SLC4A9: variants seen among roughly 807,000 people sequenced by gnomAD.
The protein encoded by SLC4A9 is anion exchange protein 4.
SLC4A9 carries 102 observed loss-of-function variants against 103.2 expected under a neutral mutation model. That is an observed-to-expected ratio of 0.99 (90% CI 0.84 to 1.17). The LOEUF is 1.17. Ranked by LOEUF, SLC4A9 falls within the 50% of genes most tolerant of loss-of-function variation. SLC4A9 has a pLI of 0.00. For synonymous variants in SLC4A9, 453 were observed against 483.6 expected (o/e 0.94, Z 0.83); for missense variants, 1,091 against 1,193.7 (o/e 0.91, Z 1.27).
rs200745455 is a variant in SLC4A9, at chr5:140,362,504, G to A, written c.779G>A (p.Arg260Gln). 1.1e-4 allele frequency: 180 copies of A among 1,613,972 alleles called. No homozygotes were observed. Among genetic ancestry groups the A allele is most frequent in the African/African-American group, 7.6e-4 (57 of 75,042 alleles). Residue 260 changes from arginine to glutamine, a missense_variant, in exon 6 of 22, where the codon CGG becomes CAG. Physicochemically the swap from Arg to Gln is conservative, Grantham distance 43. Coordinates refer to ENST00000506757, the MANE Select transcript of SLC4A9 (RefSeq NM_031467.3). ...MLGKGYHEMG[R>Q]AAAVLLSDPQ... The stretch of plus-strand genomic sequence containing the variant: ...GGAAAGGGCTACCATGAGATGGGAC[G>A]GGCAGCAGCTGTCCTCCTCAGTGAC...
At chr5:140,365,490 C>G in intron 11 of SLC4A9, 30 bp from the exon 12 acceptor site, 1 of 1,593,980 alleles carries the variant, frequency 6.3e-7, no homozygotes, top group Non-Finnish European at 8.6e-7. Context: ...GGGGAGGGAA[C>G]ATACATCTGA....
chr5:140,361,717 C>A, intron 3 of SLC4A9, 91 bp from the exon 4 acceptor site: 2 of 1,406,946 alleles, frequency 1.4e-6, no homozygotes, highest in East Asian at 2.3e-5. Context: ...CTAATTCTTA[C>A]AGCTTGTCAG....
Position 140,365,854 on chromosome 5 carries a change from A to G in SLC4A9, c.1731A>G (p.Ala577=), listed in dbSNP as rs767523414. 4 of 1,613,830 alleles carry G rather than the reference A, an allele frequency of 2.5e-6. No individual in the cohort carries two copies. Among genetic ancestry groups the G allele is most frequent in the Non-Finnish European group, 3.4e-6 (4 of 1,179,836 alleles). The change falls in exon 13 of 22, where the codon GCA becomes GCG. Residue 577 remains alanine, a synonymous_variant. Transcript: ENST00000506757. ...IVSMDLGLIN[A]SLLPPPECTR... ...TACAGGACTTAGGCCTGATCAATGC[A>G]TCCTTGCTGCCGCCACCTGAGTGCA... is the stretch of plus-strand genomic sequence containing the variant.
intron 14 of SLC4A9, among the ~76,000 whole-genome samples, chr5:140,367,195 A>G (rs557186400): frequency 6.6e-6 from 1 of 152,318 alleles, no homozygotes; most frequent in East Asian, 1.9e-4. Flanking sequence ...ACCCTGAACC[A>G]AAGTCCAGAG....
chr5:140,362,168 C>A lies in SLC4A9; in HGVS notation c.713C>A (p.Pro238Gln). ...VLGSLTEVSL[P>Q]SRFFCLLLGP... is the part of the protein sequence containing the mutation. ...GGGTCCCTTACTGAGGTGTCCCTCCCAAGCAGGTGAGGCTACTGAGTGAGT... is the reference window on the plus strand; with the variant it reads ...GGGTCCCTTACTGAGGTGTCCCTCCAAAGCAGGTGAGGCTACTGAGTGAGT... Residue 238 changes from proline to glutamine, a missense_variant, in exon 5 of 22, where the codon CCA becomes CAA. Physicochemically the swap from Pro to Gln is moderately conservative, Grantham distance 76 (BLOSUM62 -1). Coordinates refer to ENST00000506757, the MANE Select transcript of SLC4A9 (RefSeq NM_031467.3). 1 of 1,534,956 alleles carries A rather than the reference C, an allele frequency of 6.5e-7. No homozygotes were observed. The highest frequency in any genetic ancestry group is 8.7e-7 in the Non-Finnish European group (1 of 1,148,102).
Position 140,375,081 on chromosome 5 carries a change from C to A in SLC4A9, c.*300C>A, listed in dbSNP as rs535512443. On this transcript the variant is annotated 3_prime_UTR_variant, in exon 22 of 22. Transcript: ENST00000506757. ...AGAATCTAAGGGCCATCAGGGAACT[C>A]TTTTCATCTTGCAAAGAGAAAAAGC... The A allele has an allele frequency of 6.6e-6, 1 of 152,228 alleles. No individual in the cohort carries two copies. Among genetic ancestry groups the A allele is most frequent in the South Asian group, 2.1e-4 (1 of 4,814 alleles). 9.4% of individuals were successfully genotyped at this position (152,228 alleles called of 1,614,324 possible). A position where few individuals can be genotyped will look rare whatever the true frequency, so the allele number is the denominator to read the frequency against.
intron 6 of SLC4A9, 133 bp downstream of exon 6, chr5:140,362,665 G>A: frequency 9.7e-7 from 1 of 1,027,836 alleles, no homozygotes; most frequent in Non-Finnish European, 1.5e-6. Flanking sequence ...ATACAGCAAT[G>A]AGGCACAGTG....
rs1487678023 is a variant in SLC4A9 at position 140,371,530 on chromosome 5, C to G, written c.2576C>G (p.Thr859Ser). The G allele has an allele frequency of 1.2e-6, 2 of 1,614,054 alleles. No individual in the cohort carries two copies. Among genetic ancestry groups the G allele is most frequent in the South Asian group, 1.1e-5 (1 of 91,088 alleles). The change falls in exon 19 of 22, where the codon ACC becomes AGC. Residue 859 changes from threonine to serine, a missense_variant. By Grantham distance (58) the Thr-to-Ser change is moderately conservative. Transcript: ENST00000506757. ...CTACTCTTGCGGCATGTGCCTCTGA[C>G]CAGGGTCCACCTCTTCACAGCCATC... ...DLLLLRHVPLTRVHLFTAIQL... is the reference protein window; with the variant it reads ...DLLLLRHVPLSRVHLFTAIQL...
In SLC4A9 at chr5:140,363,242, C is replaced by G. The variant is rs1767368325; in HGVS notation, c.962+176C>G. Among the ~76,000 whole-genome samples, 1 of 152,182 alleles carries G rather than the reference C, an allele frequency of 6.6e-6. No homozygotes were observed. The highest frequency in any genetic ancestry group is 1.5e-5 in the Non-Finnish European group (1 of 68,034). On this transcript the variant is annotated intron_variant, in intron 7 of 21. Transcript: ENST00000506757. The surrounding 1 kb of genome is among the most constrained non-coding windows in gnomAD (Gnocchi z 4.5). ...CTACTCTCTCGCTAAGAGACCTGAA[C>G]AAAGACCTTCCCTGCCCGAGCCTGG... is the stretch of plus-strand genomic sequence containing the variant.
rs1767607743 is a variant in SLC4A9, at chr5:140,364,552, G to A, written c.1578G>A (p.Leu526=). The A allele has an allele frequency of 6.2e-7, 1 of 1,606,144 alleles. No homozygotes were observed. The highest frequency in any genetic ancestry group is 1.3e-5 in the African/African-American group (1 of 74,738). Reference sequence around the variant, plus strand: ...ATGCTGTGGGCAAAATGCTGAACTTGACCCATACCTATCCTATCCAGAAGC... The same window carrying A: ...ATGCTGTGGGCAAAATGCTGAACTTAACCCATACCTATCCTATCCAGAAGC... ...IYDAVGKMLN[L]THTYPIQKPG... is the part of the protein sequence containing the mutation. The change falls in exon 11 of 22, where the codon TTG becomes TTA. Residue 526 remains leucine, a synonymous_variant. Coordinates refer to ENST00000506757, the MANE Select transcript of SLC4A9 (RefSeq NM_031467.3).
chr5:140,360,686 G>A (rs1229479592), intron 1 of SLC4A9, 126 bp from the exon 2 acceptor site: 1 of 1,457,404 alleles, frequency 6.9e-7, no homozygotes, highest in Non-Finnish European at 9.3e-7. Context: ...CAGGGTGGGG[G>A]GGAGACTTCA....
intron 18 of SLC4A9, 102 bp downstream of exon 18, chr5:140,371,265 G>A (rs1443249346): frequency 1.4e-6 from 2 of 1,429,630 alleles, no homozygotes; most frequent in Non-Finnish European, 1.9e-6. Flanking sequence ...TTTCTTTTCT[G>A]CTGGCATCTC....
At chr5:140,370,952 G>T (rs942996102) in intron 17 of SLC4A9, 143 bp from the exon 18 acceptor site, 5 of 625,320 alleles carry the variant, frequency 8.0e-6, no homozygotes, top group African/African-American at 1.8e-5. Flanking sequence ...AATAAGATCG[G>T]CATGAAACAT....
chr5:140,362,668 G>T (rs1468192103), intron 6 of SLC4A9, 136 bp downstream of exon 6: 1 of 1,011,296 alleles, frequency 9.9e-7, no homozygotes, highest in Non-Finnish European at 1.5e-6. Context: ...CAGCAATGAG[G>T]CACAGTGAGC....
intron 17 of SLC4A9, 26 bp downstream of exon 17, chr5:140,368,685 C>G: frequency 2.5e-6 from 4 of 1,600,286 alleles, no homozygotes; most frequent in Non-Finnish European, 3.4e-6. Flanking sequence ...AAGCCAGGAT[C>G]AGGGTCAGTG....
rs1015761444 is a variant in SLC4A9 at position 140,363,307 on chromosome 5, C to T, written c.963-132C>T. On this transcript the variant is annotated intron_variant, in intron 7 of 21. Transcript: ENST00000506757. The surrounding 1 kb of genome is among the most constrained non-coding windows in gnomAD (Gnocchi z 4.5). ...AATATGACCTGGACCTTCTAGAGGC[C>T]CAGGTGTCGCCATGGTTCCCTCGCC... 4.2e-6 allele frequency: 4 copies of T among 949,164 alleles called. No homozygotes were observed. In the African/African-American group the frequency reaches 5.0e-5, roughly 12 times the overall value. 58.8% of individuals were successfully genotyped at this position (949,164 alleles called of 1,614,324 possible). A position where few individuals can be genotyped will look rare whatever the true frequency, so the allele number is the denominator to read the frequency against.
In SLC4A9 at chr5:140,364,119, GC is replaced by G; in HGVS notation, c.1324del (p.Leu442SerfsTer4). On this transcript the variant is annotated frameshift_variant, in exon 10 of 22. Transcript: ENST00000506757. LOFTEE classifies it high-confidence loss of function. ...GAAFCLMAGQPLTILSSTGPV... is the reference protein window; with the variant it reads ...GAAFCLMAGQXLTILSSTGPV... The stretch of plus-strand genomic sequence containing the variant: ...CTGCCTTCTGCCTGATGGCAGGCCA[GC>G]CCCTCACCATTCTGAGCAGCACGGG... 1 of 1,593,264 alleles carries G rather than the reference GC, an allele frequency of 6.3e-7. No individual in the cohort carries two copies. The highest frequency in any genetic ancestry group is 8.6e-7 in the Non-Finnish European group (1 of 1,169,588).
In SLC4A9 at chr5:140,360,482, G is replaced by T. The variant is rs1215773509; in HGVS notation, c.230+16G>T. 9.6e-6 allele frequency: 15 copies of T among 1,555,776 alleles called. No individual in the cohort carries two copies. Among genetic ancestry groups the T allele is most frequent in the Non-Finnish European group, 1.3e-5 (15 of 1,148,614 alleles). On this transcript the variant is annotated intron_variant, in intron 1 of 21. Transcript: ENST00000506757. ...AGACAGGCAGGTAAGTTGGATGCAG[G>T]CCAGTTCTGTGGGATCCTTCCCCTT...
chr5:140,372,256 G>A lies in SLC4A9; in HGVS notation c.2685G>A (p.Val895=), dbSNP rs920382035. 4.5e-6 allele frequency: 7 copies of A among 1,566,954 alleles called. No individual in the cohort carries two copies. In the Middle Eastern group the frequency reaches 5.1e-4, roughly 114 times the overall value. Residue 895 remains valine, a synonymous_variant, in exon 20 of 22, where the codon GTG becomes GTA. Transcript: ENST00000506757. The part of the protein sequence containing the change: ...IIFPLMLLGL[V]GVRKALERVF... Reference sequence around the variant, plus strand: ...TATTCCTGCAGTTGCTGGGCCTTGTGGGGGTCCGAAAGGCCCTGGAGAGGG... The same window carrying A: ...TATTCCTGCAGTTGCTGGGCCTTGTAGGGGTCCGAAAGGCCCTGGAGAGGG...
Sources: gnomAD v4.1 joint callset for allele counts (sites outside exome capture counted in the v4.1 genomes callset) on GRCh38, gnomAD v4.1.1 for gene constraint, Gnocchi (gnomAD v3.1) non-coding constraint, MANE v1.5 for transcripts, NCBI Gene and HGNC (gene_info 2026-07-23, HGNC 2026-07-21) for gene names.